HTR2C: variants seen among roughly 807,000 people sequenced by gnomAD.
HTR2C encodes 5-hydroxytryptamine receptor 2C.
Under a neutral mutation model 21.0 loss-of-function variants are expected in HTR2C, and 5 were observed. The observed-to-expected ratio is 0.24, with a 90% CI of 0.12 to 0.50. The LOEUF is 0.50. Ranked by LOEUF, HTR2C falls within the 20% of genes least tolerant of loss-of-function variation. The pLI, the probability that HTR2C is intolerant of heterozygous loss-of-function variation, is 0.98. For missense variants in HTR2C, 271 were observed against 371.2 expected (o/e 0.73, Z 2.22); for synonymous variants, 150 against 145.3 (o/e 1.03, Z -0.23).
At chrX:114,869,800 T>C (rs1264670795) in intron 5 of HTR2C, among the ~76,000 whole-genome samples, 1 of 112,069 alleles carries the variant, frequency 8.9e-6, no homozygotes, top group Non-Finnish European at 1.9e-5. Flanking sequence ...GCTGTGGGTC[T>C]GTCATATATG....
intron 4 of HTR2C, among the ~76,000 whole-genome samples, chrX:114,770,879 G>A (rs181480537): frequency 4.0e-4 from 39 of 97,397 alleles, no homozygotes; most frequent in Admixed American, 2.3e-3. Flanking sequence ...TCAGCTCACT[G>A]CAACCTCCGC....
chrX:114,761,907 G>A (rs908099278), intron 4 of HTR2C, among the ~76,000 whole-genome samples: 65 of 106,709 alleles, frequency 6.1e-4, no homozygotes, highest in African/African-American at 9.4e-4. Context: ...ATACATATAT[G>A]TGTATATATA....
rs1278860876 is a variant in HTR2C at position 114,792,775 on chromosome X, A to G, written c.350-55228A>G. On this transcript the variant is annotated intron_variant, in intron 4 of 5. Transcript: ENST00000276198. ...CCTATTTCTCCACAACCTCACCAGCATCTACTGTTTCTTAACTTTTTAATC... is the reference window on the plus strand; with the variant it reads ...CCTATTTCTCCACAACCTCACCAGCGTCTACTGTTTCTTAACTTTTTAATC... Among the ~76,000 whole-genome samples, 5 of 111,793 alleles carry G rather than the reference A, an allele frequency of 4.5e-5. No individual in the cohort carries two copies. The Admixed American group carries it at 4.8e-4, about 11-fold the overall frequency.
chrX:114,635,532 G>A (rs144822396), intron 2 of HTR2C, among the ~76,000 whole-genome samples: 4 of 111,939 alleles, frequency 3.6e-5, no homozygotes, highest in East Asian at 2.8e-4. Context: ...CTCTTCCACT[G>A]GCTAACTTTG....
chrX:114,807,546 A>G (rs1345576818), intron 4 of HTR2C, among the ~76,000 whole-genome samples: 2 of 106,740 alleles, frequency 1.9e-5, no homozygotes, highest in East Asian at 5.9e-4. Flanking sequence ...ATGGTACATA[A>G]GATATTTTGA....
chrX:114,826,336 G>C (rs1452588833), intron 4 of HTR2C, among the ~76,000 whole-genome samples: 1 of 111,317 alleles, frequency 9.0e-6, no homozygotes, highest in East Asian at 2.8e-4. Flanking sequence ...AAAGTGCTGA[G>C]ATTACAGGCA....
intron 2 of HTR2C, among the ~76,000 whole-genome samples, chrX:114,722,044 A>G (rs1244120198): frequency 9.1e-6 from 1 of 109,645 alleles, no homozygotes; most frequent in African/African-American, 3.3e-5. Context: ...TTTTTTTCCA[A>G]TATTGTGAAG....
At chrX:114,630,363 A>G (rs1929563717) in intron 2 of HTR2C, among the ~76,000 whole-genome samples, 1 of 112,146 alleles carries the variant, frequency 8.9e-6, no homozygotes, top group South Asian at 3.7e-4. Context: ...TTGAAAAAAT[A>G]AAAAAGAGAG....
intron 4 of HTR2C, among the ~76,000 whole-genome samples, chrX:114,808,581 C>T (rs2070501437): frequency 9.0e-6 from 1 of 111,282 alleles, no homozygotes. Flanking sequence ...ACATTTCCAC[C>T]AACAGTGTAC....
intron 2 of HTR2C, among the ~76,000 whole-genome samples, chrX:114,725,088 C>T (rs1230507793): frequency 9.0e-6 from 1 of 110,527 alleles, no homozygotes; most frequent in African/African-American, 3.3e-5. Context: ...GGAAGTTCTC[C>T]TGGATAATAT....
chrX:114,776,047 G>T (rs2070053813), intron 4 of HTR2C: 2 of 441,499 alleles, frequency 4.5e-6, no homozygotes, highest in South Asian at 6.4e-5. Flanking sequence ...ACTTATGCTT[G>T]AACTCAGCAA....
At chrX:114,764,015 C>A (rs2069909638) in intron 4 of HTR2C, among the ~76,000 whole-genome samples, 1 of 111,630 alleles carries the variant, frequency 9.0e-6, no homozygotes, top group Non-Finnish European at 1.9e-5. Flanking sequence ...TGGAAGAATA[C>A]AGTCCAGAGG....
At chrX:114,662,047 A>G (rs1316480653) in intron 2 of HTR2C, among the ~76,000 whole-genome samples, 1 of 111,532 alleles carries the variant, frequency 9.0e-6, no homozygotes, top group Non-Finnish European at 1.9e-5. Flanking sequence ...ATTGCTCTCT[A>G]TTGGCAATTG....
At chrX:114,628,405 ATTTTTTTTTTTTT>A (rs35975864) in intron 2 of HTR2C, among the ~76,000 whole-genome samples, 1 of 43,910 alleles carries the variant, frequency 2.3e-5, no homozygotes, top group Non-Finnish European at 3.7e-5. Flanking sequence ...TGCCAGGCTA[ATTTTTTTTTTTTT>A]TTTTTTTTTT....
rs782128979 is a variant in HTR2C at position 114,644,741 on chromosome X, T to A, written c.-80+30860T>A. 1.1e-4 allele frequency among the ~76,000 whole-genome samples: 12 copies of A among 109,869 alleles called. No homozygotes were observed. The East Asian group carries it at 2.3e-3, about 21-fold the overall frequency. ...GAGGCAATTATTTTGAGGTAATTAT[T>A]TTCTCAAAATTGAAAGTATTAATGA... On this transcript the variant is annotated intron_variant, in intron 2 of 5. Transcript: ENST00000276198.
intron 4 of HTR2C, among the ~76,000 whole-genome samples, chrX:114,781,594 C>T (rs1460292949): frequency 9.1e-5 from 10 of 109,427 alleles, no homozygotes; most frequent in African/African-American, 2.3e-4. Context: ...TTGATGTCCT[C>T]GGCTCAAGTA....
chrX:114,592,266 C>T (rs2147788269), intron 1 of HTR2C, among the ~76,000 whole-genome samples: 1 of 112,144 alleles, frequency 8.9e-6, no homozygotes, highest in South Asian at 3.7e-4. Flanking sequence ...ACTTTTGCAC[C>T]AACCTAATTC....
intron 5 of HTR2C, among the ~76,000 whole-genome samples, chrX:114,848,411 G>A (rs1424100756): frequency 1.8e-5 from 2 of 112,016 alleles, no homozygotes; most frequent in African/African-American, 6.5e-5. Context: ...TAAATATAAA[G>A]TTTCCATTTA....
At chrX:114,830,032 G>C (rs1291577524) in intron 4 of HTR2C, among the ~76,000 whole-genome samples, 2 of 111,372 alleles carry the variant, frequency 1.8e-5, no homozygotes, top group Non-Finnish European at 3.8e-5. Context: ...GGTTTTGATA[G>C]GGATTGCATT....
Sources: gnomAD v4.1 joint callset for allele counts (sites outside exome capture counted in the v4.1 genomes callset) on GRCh38, gnomAD v4.1.1 for gene constraint, MANE v1.5 for transcripts, NCBI Gene and HGNC (gene_info 2026-07-23, HGNC 2026-07-21) for gene names.